BMPR1B: variants seen among roughly 807,000 people sequenced by gnomAD.
BMPR1B encodes the protein bone morphogenetic protein receptor type 1B, also known as bone morphogenetic protein receptor type-1B.
Under a neutral mutation model 59.1 loss-of-function variants are expected in BMPR1B, and 12 were observed. The observed-to-expected ratio is 0.20, with a 90% CI of 0.13 to 0.33. The LOEUF (loss-of-function observed/expected upper bound fraction) is 0.33. BMPR1B is among the 10% of genes least tolerant of loss of function. BMPR1B has a pLI of 1.00. For synonymous variants in BMPR1B, 237 were observed against 207.3 expected (o/e 1.14, Z -1.23); for missense variants, 550 against 610.9 (o/e 0.90, Z 1.05).
intron 4 of BMPR1B, 140 bp downstream of exon 4, chr4:95,104,707 G>T: frequency 9.0e-7 from 1 of 1,115,596 alleles, no homozygotes; most frequent in East Asian, 2.5e-5. Flanking sequence ...AGCTGTGCTT[G>T]TATTAGAGAA....
chr4:94,943,571 G>T (rs938538650), intron 2 of BMPR1B, among the ~76,000 whole-genome samples: 3 of 152,170 alleles, frequency 2.0e-5, no homozygotes, highest in African/African-American at 7.2e-5. Context: ...GCTTAGGATA[G>T]TGCCCTGTAC....
At chr4:94,909,540 C>A (rs1308669395) in intron 2 of BMPR1B, among the ~76,000 whole-genome samples, 1 of 151,996 alleles carries the variant, frequency 6.6e-6, no homozygotes, top group Non-Finnish European at 1.5e-5. Context: ...ATGTAAAGTG[C>A]ATAGAACAAT....
chr4:94,772,440 T>C (rs1012009930), intron 1 of BMPR1B, among the ~76,000 whole-genome samples: 7 of 152,192 alleles, frequency 4.6e-5, no homozygotes, highest in South Asian at 4.1e-4. Flanking sequence ...CAAGGAGTTA[T>C]GAGGAAAGCA....
chr4:94,989,653 A>G (rs1386655287), intron 2 of BMPR1B, among the ~76,000 whole-genome samples: 3 of 152,170 alleles, frequency 2.0e-5, no homozygotes, highest in Non-Finnish European at 2.9e-5. Context: ...TAAAAGTTCT[A>G]TTGAAATTGT....
Position 95,126,605 on chromosome 4 carries a change from A to G in BMPR1B, c.585+1484A>G, listed in dbSNP as rs1051086036. Reference sequence around the variant, plus strand: ...AGTACGTGGAGAAGCCAGGATTCAAACCCAGATGATCTGTGCTCTTAACAT... The same window carrying G: ...AGTACGTGGAGAAGCCAGGATTCAAGCCCAGATGATCTGTGCTCTTAACAT... On this transcript the variant is annotated intron_variant, in intron 8 of 12. Coordinates refer to ENST00000515059, the MANE Select transcript of BMPR1B (RefSeq NM_001203.3). 2.0e-5 allele frequency among the ~76,000 whole-genome samples: 3 copies of G among 152,172 alleles called. No individual in the cohort carries two copies. In the South Asian group the frequency reaches 6.2e-4, roughly 32 times the overall value.
At chr4:95,046,924 G>A (rs1726101173) in intron 3 of BMPR1B, among the ~76,000 whole-genome samples, 1 of 152,174 alleles carries the variant, frequency 6.6e-6, no homozygotes, top group African/African-American at 2.4e-5. Context: ...GAGCAGTTAA[G>A]TGAACCTGTG....
chr4:94,980,926 C>T (rs1481773423), intron 2 of BMPR1B, among the ~76,000 whole-genome samples: 4 of 152,014 alleles, frequency 2.6e-5, no homozygotes, highest in African/African-American at 9.7e-5. Context: ...ACCCAGGAGG[C>T]AGAGGTTGCA....
chr4:94,770,182 G>GTTT lies in BMPR1B; in HGVS notation c.-183+12115_-183+12117dup, dbSNP rs1215939344. Reference sequence around the variant, plus strand: ...TGTTTGAATTGTCCTTCGTTTCTGTGTTTGTTTTTTTTTTTTTTTTTTGCG... The same window carrying GTTT: ...TGTTTGAATTGTCCTTCGTTTCTGTGTTTTTTGTTTTTTTTTTTTTTTTTTGCG... On this transcript the variant is annotated intron_variant, in intron 1 of 12. Coordinates refer to ENST00000515059, the MANE Select transcript of BMPR1B (RefSeq NM_001203.3). Among the ~76,000 whole-genome samples the GTTT allele has an allele frequency of 2.4e-3, 96 of 39,924 alleles. 3 individuals carry two copies. The highest frequency in any genetic ancestry group is 0.017 in the Middle Eastern group (1 of 60). 26.2% of individuals were successfully genotyped at this position (39,924 alleles called of 152,430 possible). A position where few individuals can be genotyped will look rare whatever the true frequency, so the allele number is the denominator to read the frequency against.
At chr4:94,762,299 C>G (rs1158094950) in intron 1 of BMPR1B, among the ~76,000 whole-genome samples, 2 of 152,150 alleles carry the variant, frequency 1.3e-5, no homozygotes, top group Non-Finnish European at 1.5e-5. Flanking sequence ...CAGCTATCCA[C>G]AAACACATGA....
At chr4:94,812,310 C>T (rs1355873625) in intron 1 of BMPR1B, among the ~76,000 whole-genome samples, 1 of 152,042 alleles carries the variant, frequency 6.6e-6, no homozygotes, top group African/African-American at 2.4e-5. Context: ...TCCACTTGGC[C>T]TTGAAAAAAT....
chr4:94,979,914 T>A (rs559907287), intron 2 of BMPR1B, among the ~76,000 whole-genome samples: 2 of 152,316 alleles, frequency 1.3e-5, no homozygotes, highest in East Asian at 3.9e-4. Context: ...TTACTCCGGT[T>A]TCCCCTTTGC....
intron 1 of BMPR1B, among the ~76,000 whole-genome samples, chr4:94,836,530 G>A (rs1176340598): frequency 1.4e-5 from 2 of 145,484 alleles, no homozygotes; most frequent in Admixed American, 6.8e-5. Flanking sequence ...ATTTTTTCAT[G>A]TGTTTTTTGG....
intron 1 of BMPR1B, among the ~76,000 whole-genome samples, chr4:94,813,942 T>C (rs889539447): frequency 5.9e-5 from 9 of 152,112 alleles, no homozygotes; most frequent in Non-Finnish European, 1.3e-4. Flanking sequence ...GAGATGGAAA[T>C]ATCAGGAGTT....
intron 1 of BMPR1B, among the ~76,000 whole-genome samples, chr4:94,773,955 A>G (rs1023979257): frequency 1.3e-5 from 2 of 151,992 alleles, no homozygotes; most frequent in Non-Finnish European, 1.5e-5. Context: ...CTGTTCTGTG[A>G]TTGTTTAAAT....
chr4:94,942,910 G>A (rs1350402001), intron 2 of BMPR1B, among the ~76,000 whole-genome samples: 1 of 152,168 alleles, frequency 6.6e-6, no homozygotes, highest in Non-Finnish European at 1.5e-5. Flanking sequence ...CACTTTCTCC[G>A]CATATACATG....
chr4:94,883,465 C>T (rs1462504991), intron 2 of BMPR1B, among the ~76,000 whole-genome samples: 1 of 152,078 alleles, frequency 6.6e-6, no homozygotes, highest in Non-Finnish European at 1.5e-5. Flanking sequence ...ATTACTCATC[C>T]ACATGCTCAT....
At chr4:95,054,523 T>C (rs1726775255) in intron 3 of BMPR1B, among the ~76,000 whole-genome samples, 1 of 152,154 alleles carries the variant, frequency 6.6e-6, no homozygotes, top group African/African-American at 2.4e-5. Context: ...ATGTGACCTG[T>C]AATGGTCAAA....
intron 3 of BMPR1B, among the ~76,000 whole-genome samples, chr4:95,088,746 C>T (rs926939819): frequency 6.6e-5 from 10 of 151,438 alleles, no homozygotes; most frequent in Non-Finnish European, 1.2e-4. Flanking sequence ...ATAAATCGGG[C>T]CTATTCATTT....
chr4:94,997,932 T>C (rs1722172475), intron 3 of BMPR1B, among the ~76,000 whole-genome samples: 1 of 152,198 alleles, frequency 6.6e-6, no homozygotes, highest in Non-Finnish European at 1.5e-5. Flanking sequence ...TTTTATTCCT[T>C]CTGGTGTCTT....
Sources: allele counts gnomAD v4.1 joint callset (sites outside exome capture counted in the v4.1 genomes callset), GRCh38; gene constraint gnomAD v4.1.1; transcripts MANE v1.5; gene names NCBI Gene and HGNC (gene_info 2026-07-23, HGNC 2026-07-21).